FOXP2: variants seen among roughly 807,000 people sequenced by gnomAD.
The protein encoded by FOXP2 is forkhead box protein P2.
A neutral mutation model predicts 115.8 loss-of-function variants in FOXP2; 12 were observed. The ratio of observed to expected loss-of-function variants is 0.10; its 90% CI spans 0.07 to 0.17. FOXP2 has a LOEUF of 0.17. Ranked by LOEUF, FOXP2 falls within the 10% of genes least tolerant of loss-of-function variation. FOXP2 has a pLI of 1.00. For missense variants in FOXP2, 629 were observed against 843.5 expected (o/e 0.75, Z 3.15); for synonymous variants, 328 against 297.7 (o/e 1.10, Z -1.05).
At chr7:114,415,454 C>CT (rs979990288) in intron 1 of FOXP2, 94 bp downstream of exon 1, 20,707 of 241,346 alleles carry the variant, frequency 0.086, 2 homozygotes, top group South Asian at 0.17. Context: ...AATTGCTTTA[C>CT]TTTTTTTTTT....
upstream of FOXP2, among the ~76,000 whole-genome samples, chr7:114,160,789 T>TGTGC (rs989579093): frequency 2.0e-5 from 3 of 151,436 alleles, no homozygotes; most frequent in Non-Finnish European, 4.4e-5. Flanking sequence ...TTTCTGTGTG[T>TGTGC]GTGTGTGTGT....
chr7:114,672,048 C>A (rs1017232652), intron 16 of FOXP2, among the ~76,000 whole-genome samples: 1 of 152,094 alleles, frequency 6.6e-6, no homozygotes, highest in African/African-American at 2.4e-5. Context: ...AACAGATGAT[C>A]AAATCATTTC....
At chr7:114,393,575 G>A (rs1236940366) in intron 2 of FOXP2, among the ~76,000 whole-genome samples, 5 of 152,114 alleles carry the variant, frequency 3.3e-5, no homozygotes, top group Non-Finnish European at 7.3e-5. Flanking sequence ...GCAGCCTGGT[G>A]TGGGGAGTCA....
intron 2 of FOXP2, among the ~76,000 whole-genome samples, chr7:114,449,064 T>C (rs1422801145): frequency 6.6e-6 from 1 of 152,064 alleles, no homozygotes; most frequent in Non-Finnish European, 1.5e-5. Context: ...ATGTAAATAA[T>C]AATAGTATTG....
chr7:114,395,556 AT>A (rs1792715778), intron 2 of FOXP2, among the ~76,000 whole-genome samples: 1 of 152,142 alleles, frequency 6.6e-6, no homozygotes, highest in South Asian at 2.1e-4. Flanking sequence ...AAAGCAAGGA[AT>A]TTTTATGTGT....
chr7:114,504,385 T>C (rs1277672395), intron 2 of FOXP2, among the ~76,000 whole-genome samples: 1 of 151,662 alleles, frequency 6.6e-6, no homozygotes, highest in African/African-American at 2.4e-5. Context: ...CTTTCACCTG[T>C]ACTTATGTAG....
intron 2 of FOXP2, among the ~76,000 whole-genome samples, chr7:114,385,327 G>A (rs965375047): frequency 2.0e-5 from 3 of 152,140 alleles, no homozygotes; most frequent in African/African-American, 7.2e-5. Flanking sequence ...TAGATTCAGA[G>A]GTCAGGAGAA....
At chr7:114,156,235 G>C (rs1168094962) in intron 1 of FOXP2, among the ~76,000 whole-genome samples, 1 of 152,012 alleles carries the variant, frequency 6.6e-6, no homozygotes, top group East Asian at 1.9e-4. Flanking sequence ...TTTTTTTACA[G>C]AGACAGTTAA....
At chr7:114,463,039 GT>G (rs1469958254) in intron 2 of FOXP2, 1 of 431,462 alleles carries the variant, frequency 2.3e-6, no homozygotes, top group Non-Finnish European at 4.6e-6. Context: ...CATTTATTAT[GT>G]TTTTTAGAGA....
At chr7:114,442,140 T>C (rs1794631201) in intron 2 of FOXP2, among the ~76,000 whole-genome samples, 1 of 152,146 alleles carries the variant, frequency 6.6e-6, no homozygotes. Flanking sequence ...AAACAAATAT[T>C]ATTCAGGAAT....
At chr7:114,505,196 AG>A (rs1212964222) in intron 2 of FOXP2, among the ~76,000 whole-genome samples, 5 of 151,508 alleles carry the variant, frequency 3.3e-5, no homozygotes, top group Non-Finnish European at 1.5e-5. Context: ...TCAAGATTAT[AG>A]GGGGAAGGAT....
intron 2 of FOXP2, among the ~76,000 whole-genome samples, chr7:114,381,828 G>T (rs922058884): frequency 2.6e-5 from 4 of 152,098 alleles, no homozygotes; most frequent in African/African-American, 9.7e-5. Flanking sequence ...TGGAGTTCTT[G>T]TTGGGTCTCG....
chr7:114,275,967 G>T (rs577552660), intron 1 of FOXP2, among the ~76,000 whole-genome samples: 5 of 152,244 alleles, frequency 3.3e-5, no homozygotes, highest in African/African-American at 7.2e-5. Flanking sequence ...GGCTAGCTTG[G>T]GTTGGAGCTG....
At chr7:114,191,756 A>G (rs1027199011) in intron 1 of FOXP2, among the ~76,000 whole-genome samples, 1 of 152,208 alleles carries the variant, frequency 6.6e-6, no homozygotes, top group African/African-American at 2.4e-5. Flanking sequence ...TGATGAACCA[A>G]TTGTGATACA....
chr7:114,356,368 T>A (rs1791617313), intron 2 of FOXP2, among the ~76,000 whole-genome samples: 1 of 152,156 alleles, frequency 6.6e-6, no homozygotes, highest in Non-Finnish European at 1.5e-5. Context: ...CTACATAATA[T>A]AAAGACCATT....
chr7:114,235,849 C>A (rs1794994660), intron 1 of FOXP2, among the ~76,000 whole-genome samples: 1 of 152,186 alleles, frequency 6.6e-6, no homozygotes, highest in African/African-American at 2.4e-5. Context: ...ATTCTCCAGT[C>A]TTATCACTAT....
At chr7:114,187,092 C>T (rs1259486358) in intron 1 of FOXP2, among the ~76,000 whole-genome samples, 1 of 152,200 alleles carries the variant, frequency 6.6e-6, no homozygotes, top group Non-Finnish European at 1.5e-5. Flanking sequence ...GGCTTTTCTC[C>T]ATCCATACTC....
At chr7:114,334,516 G>T (rs2129183409) in intron 2 of FOXP2, among the ~76,000 whole-genome samples, 1 of 151,498 alleles carries the variant, frequency 6.6e-6, no homozygotes, top group South Asian at 2.1e-4. Flanking sequence ...TTCCAAAGAT[G>T]ATGTTGAAAT....
At chr7:114,117,893 G>A (rs1476473963) in intron 1 of FOXP2, among the ~76,000 whole-genome samples, 4 of 152,122 alleles carry the variant, frequency 2.6e-5, no homozygotes, top group Non-Finnish European at 4.4e-5. Flanking sequence ...CTCACATGGC[G>A]AAGAGTAGAG....
Sources: allele counts gnomAD v4.1 joint callset (sites outside exome capture counted in the v4.1 genomes callset), GRCh38; gene constraint gnomAD v4.1.1; transcripts MANE v1.5; gene names NCBI Gene and HGNC (gene_info 2026-07-23, HGNC 2026-07-21).